The following PBX1 variants were observed in gnomAD, a reference collection of about 807,000 sequenced individuals.
The protein encoded by PBX1 is pre-B-cell leukemia transcription factor 1.
A neutral mutation model predicts 53.4 loss-of-function variants in PBX1; 6 were observed. That is an observed-to-expected ratio of 0.11 (90% CI 0.06 to 0.22). PBX1 has a LOEUF of 0.22. Among genes scored for constraint, PBX1 ranks in the 10% least tolerant of loss-of-function variants. The pLI is 1.00. For missense variants in PBX1, 251 were observed against 551.4 expected, an observed-to-expected ratio of 0.46 and a Z score of 5.46; for synonymous variants, 204 against 212.3, an observed-to-expected ratio of 0.96 and a Z score of 0.34.
At chr1:164,826,881 A>G (rs1670494558) in intron 8 of PBX1, among the ~76,000 whole-genome samples, 1 of 140,642 alleles carries the variant, frequency 7.1e-6, no homozygotes, top group Non-Finnish European at 1.5e-5. Context: ...TTTATGACAC[A>G]AAAAAAACTC....
chr1:164,563,183 C>T (rs1308085262), intron 1 of PBX1, 55 bp from the exon 2 acceptor site: 37 of 1,201,546 alleles, frequency 3.1e-5, no homozygotes, highest in Middle Eastern at 1.9e-4. Flanking sequence ...TGTGCATTAT[C>T]GGCAGTTTGA....
Position 164,846,966 on chromosome 1 carries a change from G to A in PBX1, c.*290G>A, listed in dbSNP as rs1052073693. The A allele has an allele frequency of 5.6e-6, 7 of 1,254,008 alleles. No individual in the cohort carries two copies. In the Admixed American group the frequency reaches 1.0e-4, roughly 18 times the overall value. The allele number at this position is 1,254,008 out of a possible 1,614,324, so 77.7% of individuals were successfully genotyped here. A position where few individuals can be genotyped will look rare whatever the true frequency, so the allele number is the denominator to read the frequency against. ...CCCTGTGCCTCTGTCCTAGACTCCC[G>A]GGGTCCCCGCCCTCTCTCATATCAC... On this transcript the variant is annotated 3_prime_UTR_variant, in exon 9 of 9. Transcript: ENST00000420696.
At chr1:164,722,146 C>T (rs1368053195) in intron 2 of PBX1, among the ~76,000 whole-genome samples, 1 of 152,190 alleles carries the variant, frequency 6.6e-6, no homozygotes, top group Non-Finnish European at 1.5e-5. Flanking sequence ...AGGGCCTAAG[C>T]TCATGCTCTG....
chr1:164,720,504 A>G (rs1013957273), intron 2 of PBX1, among the ~76,000 whole-genome samples: 10 of 152,176 alleles, frequency 6.6e-5, no homozygotes, highest in Non-Finnish European at 1.5e-4. Context: ...TCCCCACATT[A>G]TAGTTCTGGC....
intron 2 of PBX1, among the ~76,000 whole-genome samples, chr1:164,654,796 A>G (rs1197042745): frequency 6.6e-6 from 1 of 152,258 alleles, no homozygotes; most frequent in Non-Finnish European, 1.5e-5. Context: ...AAGATAGTTA[A>G]CCAAGTCTTA....
At chr1:164,817,496 A>G (rs1414346426) in intron 6 of PBX1, 5 of 152,230 alleles carry the variant, frequency 3.3e-5, no homozygotes, top group African/African-American at 9.6e-5. Flanking sequence ...AGCCATGGTA[A>G]TATTGTACAT....
At chr1:164,606,823 A>G (rs1469800742) in intron 2 of PBX1, among the ~76,000 whole-genome samples, 1 of 152,250 alleles carries the variant, frequency 6.6e-6, no homozygotes, top group Non-Finnish European at 1.5e-5. Context: ...GATATATTAC[A>G]TTAATACTAA....
At chr1:164,577,547 TA>T (rs1270603785) in intron 2 of PBX1, among the ~76,000 whole-genome samples, 4 of 152,216 alleles carry the variant, frequency 2.6e-5, no homozygotes. Flanking sequence ...CATATTACTT[TA>T]TTTTTCTTCT....
At chr1:164,616,749 G>A (rs184065034) in intron 2 of PBX1, among the ~76,000 whole-genome samples, 165 of 152,228 alleles carry the variant, frequency 1.1e-3, no homozygotes, top group Admixed American at 2.7e-3. Flanking sequence ...AGATTATTCC[G>A]TCCTTTTACA....
At chr1:164,769,353 G>A (rs1462691302) in intron 2 of PBX1, 1 of 152,116 alleles carries the variant, frequency 6.6e-6, no homozygotes, top group Non-Finnish European at 1.5e-5. Context: ...TCATCTTTGT[G>A]GTCCTGCAGG....
intron 2 of PBX1, among the ~76,000 whole-genome samples, chr1:164,761,601 T>A (rs529811215): frequency 6.6e-6 from 1 of 152,256 alleles, no homozygotes; most frequent in East Asian, 1.9e-4. Flanking sequence ...CGCGCCACCA[T>A]GCCCGGCTAA....
At chr1:164,868,206 T>C (rs114009340) in intron 2 of PBX1, among the ~76,000 whole-genome samples, 24 of 151,880 alleles carry the variant, frequency 1.6e-4, no homozygotes, top group Admixed American at 1.6e-3. Context: ...CAGCCAGAGG[T>C]GACTTCTGAG....
chr1:164,674,644 G>A (rs956154283), intron 2 of PBX1: 3 of 152,120 alleles, frequency 2.0e-5, no homozygotes, highest in Admixed American at 6.5e-5. Flanking sequence ...CAACTAAATA[G>A]GCAGAAATTT....
intron 2 of PBX1, among the ~76,000 whole-genome samples, chr1:164,858,953 A>G (rs1672035880): frequency 6.6e-6 from 1 of 152,076 alleles, no homozygotes; most frequent in African/African-American, 2.4e-5. Flanking sequence ...ATTTTACTTT[A>G]GGGAGAAAGG....
chr1:164,671,921 T>G (rs1403276818), intron 2 of PBX1, among the ~76,000 whole-genome samples: 1 of 152,202 alleles, frequency 6.6e-6, no homozygotes, highest in Non-Finnish European at 1.5e-5. Context: ...CCTCTTGTAC[T>G]TTCAAAGAAT....
intron 2 of PBX1, among the ~76,000 whole-genome samples, chr1:164,635,179 C>T (rs1658675193): frequency 6.6e-6 from 1 of 152,074 alleles, no homozygotes; most frequent in Non-Finnish European, 1.5e-5. Context: ...AGCAGTTCAT[C>T]TGAAATGCTG....
downstream of PBX1, among the ~76,000 whole-genome samples, chr1:164,852,048 T>C (rs1485447981): frequency 1.3e-5 from 2 of 152,124 alleles, no homozygotes; most frequent in African/African-American, 4.8e-5. Context: ...ACAATAGCTG[T>C]ATTACAGAGG....
chr1:164,631,329 C>T (rs150572847), intron 2 of PBX1, among the ~76,000 whole-genome samples: 11 of 143,840 alleles, frequency 7.6e-5, no homozygotes, highest in Non-Finnish European at 3.0e-5. Flanking sequence ...TCTGAACAAA[C>T]TTAAATTTGT....
At chr1:164,775,291 CT>C (rs1311656914) in intron 2 of PBX1, among the ~76,000 whole-genome samples, 1 of 152,332 alleles carries the variant, frequency 6.6e-6, no homozygotes, top group Non-Finnish European at 1.5e-5. Flanking sequence ...CTGCCCCAGA[CT>C]TGCCACATTC....
Sources: allele counts gnomAD v4.1 joint callset (sites outside exome capture counted in the v4.1 genomes callset), GRCh38; gene constraint gnomAD v4.1.1; transcripts MANE v1.5; gene names NCBI Gene and HGNC (gene_info 2026-07-23, HGNC 2026-07-21).